The following C14orf39 variants were observed in gnomAD, a reference collection of about 807,000 sequenced individuals.
The protein encoded by C14orf39 is protein SIX6OS1.
A neutral mutation model predicts 85.6 loss-of-function variants in C14orf39; 66 were observed. The observed-to-expected ratio is 0.77, with a 90% CI of 0.63 to 0.95. The LOEUF (loss-of-function observed/expected upper bound fraction) is 0.95, where lower values mean the gene tolerates loss of function less well. Ranked by LOEUF, C14orf39 falls within the 40% of genes least tolerant of loss-of-function variation. C14orf39 has a pLI of 0.00. For synonymous variants in C14orf39, 242 were observed against 214.0 expected (o/e 1.13, Z -1.14); for missense variants, 735 against 663.9 (o/e 1.11, Z -1.18).
intron 12 of C14orf39, 44 bp downstream of exon 12, chr14:60,461,464 A>C: frequency 6.4e-7 from 1 of 1,571,278 alleles, no homozygotes; most frequent in Non-Finnish European, 8.7e-7. Flanking sequence ...GATATCTATA[A>C]ATTATTTCAG....
chr14:60,495,764 C>T (rs1453004942), intron 2 of C14orf39: 4 of 242,852 alleles, frequency 1.6e-5, no homozygotes, highest in African/African-American at 2.2e-5. Flanking sequence ...AAGCTTGCTA[C>T]GATACTTAAA....
chr14:60,478,070 T>C (rs1490243851), intron 5 of C14orf39, among the ~76,000 whole-genome samples: 2 of 149,826 alleles, frequency 1.3e-5, no homozygotes, highest in Non-Finnish European at 3.0e-5. Context: ...TCCCAGCTAC[T>C]TGGGAGGCTG....
Position 60,436,787 on chromosome 14 carries a change from A to G in C14orf39, c.*58T>C. 8.6e-7 allele frequency: 1 copy of G among 1,164,298 alleles called. No homozygotes were observed. The highest frequency in any genetic ancestry group is 1.2e-6 in the Non-Finnish European group (1 of 803,670). 72.1% of individuals were successfully genotyped at this position (1,164,298 alleles called of 1,614,324 possible). A position where few individuals can be genotyped will look rare whatever the true frequency, so the allele number is the denominator to read the frequency against. On this transcript the variant is annotated 3_prime_UTR_variant, in exon 18 of 18. Transcript: ENST00000321731. ...GTCTTCATGTTTTAAGCAATAATGT[A>G]AATTTATGCCCTCATGAACACAGAA...
Position 60,436,759 on chromosome 14 carries a change from G to A in C14orf39, c.*86C>T, listed in dbSNP as rs1890266217. 1.2e-6 allele frequency: 1 copy of A among 805,556 alleles called. No individual in the cohort carries two copies. The highest frequency in any genetic ancestry group is 2.5e-5 in the Admixed American group (1 of 40,682). 49.9% of individuals were successfully genotyped at this position (805,556 alleles called of 1,614,324 possible). The stretch of plus-strand genomic sequence containing the variant: ...TTACTGCTTTAATCAATAAAAGAAA[G>A]CAGTCTTCATGTTTTAAGCAATAAT... On this transcript the variant is annotated 3_prime_UTR_variant, in exon 18 of 18. Transcript: ENST00000321731.
Position 60,484,954 on chromosome 14 carries a change from T to C in C14orf39, c.50-17A>G. On this transcript the variant is annotated splice_polypyrimidine_tract_variant and intron_variant, in intron 2 of 17. Transcript: ENST00000321731. This position sits in a 1 kb window ranked among gnomAD's most constrained non-coding sequence, Gnocchi z 4.2. ...ACTGGAAGACTAAAATAAATAATTA[T>C]CTTGTGACTTCAATTCATTGTTAAA... is the stretch of plus-strand genomic sequence containing the variant. The C allele has an allele frequency of 6.3e-7, 1 of 1,577,636 alleles. No homozygotes were observed. Among genetic ancestry groups the C allele is most frequent in the Non-Finnish European group, 8.6e-7 (1 of 1,160,866 alleles).
intron 4 of C14orf39, 95 bp downstream of exon 4, chr14:60,483,596 T>C (rs1407741327): frequency 8.4e-6 from 9 of 1,073,830 alleles, no homozygotes; most frequent in African/African-American, 3.2e-5. Context: ...CATTAGCTAA[T>C]ACAGAATACT....
intron 13 of C14orf39, among the ~76,000 whole-genome samples, chr14:60,459,846 C>T (rs778179865): frequency 1.2e-4 from 18 of 151,706 alleles, no homozygotes; most frequent in Non-Finnish European, 1.5e-4. Context: ...AAGTTCTTTA[C>T]ACATTTTGGA....
At chr14:60,463,437 T>C (rs1208978976) in intron 11 of C14orf39, among the ~76,000 whole-genome samples, 1 of 152,144 alleles carries the variant, frequency 6.6e-6, no homozygotes, top group Non-Finnish European at 1.5e-5. Flanking sequence ...CTTTGTCTTT[T>C]TCCTTCACCA....
At position 60,467,014 on chromosome 14, in the gene C14orf39, T is replaced by C. The variant is rs767592325; in HGVS notation, c.798A>G (p.Thr266=). 2.1e-6 allele frequency: 3 copies of C among 1,421,416 alleles called. No individual in the cohort carries two copies. The South Asian group carries it at 4.8e-5, about 23-fold the overall frequency. The allele number at this position is 1,421,416 out of a possible 1,614,324, so 88.1% of individuals were successfully genotyped here. The change falls in exon 10 of 18, where the codon ACA becomes ACG. Residue 266 remains threonine, a synonymous_variant. Coordinates refer to ENST00000321731, the MANE Select transcript of C14orf39 (RefSeq NM_174978.3). The part of the protein sequence containing the change: ...RIFGKDEHVL[T]LNKTQSSQLF... ...ATTGACTGCTTTGAGTTTTATTCAA[T>C]GTAAGTACATGCTCATCTTTTCCAA...
chr14:60,490,031 C>T (rs1892962467), upstream of C14orf39, among the ~76,000 whole-genome samples: 1 of 152,212 alleles, frequency 6.6e-6, no homozygotes, highest in South Asian at 2.1e-4. Context: ...TCTTAAAACA[C>T]CGCAGTAGCT....
rs201930448 is a variant in C14orf39 at position 60,479,646 on chromosome 14, TATAA to T, written c.234-1261_234-1258del. Among the ~76,000 whole-genome samples, 61 of 147,656 alleles carry T rather than the reference TATAA, an allele frequency of 4.1e-4. 1 individual carries two copies. In the East Asian group the frequency reaches 1.0e-2, roughly 24 times the overall value. ...TCCTTCTAGACTTTTTGTAATTATA[TATAA>T]ATATACAATTACTAAATTAGCTTAA... On this transcript the variant is annotated intron_variant, in intron 4 of 17. Coordinates refer to ENST00000321731, the MANE Select transcript of C14orf39 (RefSeq NM_174978.3).
intron 1 of C14orf39, among the ~76,000 whole-genome samples, chr14:60,507,585 A>AT (rs1385660710): frequency 3.9e-5 from 6 of 151,952 alleles, no homozygotes; most frequent in African/African-American, 1.2e-4. Flanking sequence ...CCCCTCTGCT[A>AT]TTTTTTTCGA....
chr14:60,510,818 G>A (rs1026609505), intron 1 of C14orf39, among the ~76,000 whole-genome samples: 1 of 152,218 alleles, frequency 6.6e-6, no homozygotes, highest in African/African-American at 2.4e-5. Context: ...GGAGGACACT[G>A]CAAGCCCAGT....
chr14:60,455,156 A>G lies in C14orf39; in HGVS notation c.1359-11T>C. ...TTTCTATTTCTGTTACTGAGAAATAAGAAATTATCAAAATGTTAAAAATCT... is the reference window on the plus strand; with the variant it reads ...TTTCTATTTCTGTTACTGAGAAATAGGAAATTATCAAAATGTTAAAAATCT... On this transcript the variant is annotated splice_polypyrimidine_tract_variant and intron_variant, in intron 15 of 17. Transcript: ENST00000321731. 6.5e-7 allele frequency: 1 copy of G among 1,527,738 alleles called. No homozygotes were observed. The highest frequency in any genetic ancestry group is 8.8e-7 in the Non-Finnish European group (1 of 1,136,518). The allele number at this position is 1,527,738 out of a possible 1,614,324, so 94.6% of individuals were successfully genotyped here.
At chr14:60,494,357 A>C in intron 2 of C14orf39, 1 of 160,006 alleles carries the variant, frequency 6.2e-6, no homozygotes, top group Middle Eastern at 8.2e-4. Flanking sequence ...GTTTCTCTCC[A>C]GTGTGAGCTC....
intron 3 of C14orf39, 42 bp from the exon 4 acceptor site, chr14:60,483,859 A>G: frequency 1.5e-6 from 2 of 1,362,682 alleles, no homozygotes; most frequent in Non-Finnish European, 1.0e-6. Flanking sequence ...TAGAAATAAT[A>G]AGTTCAAAAT....
At chr14:60,472,994 T>C (rs1280921973) in intron 5 of C14orf39, among the ~76,000 whole-genome samples, 1 of 152,222 alleles carries the variant, frequency 6.6e-6, no homozygotes, top group Non-Finnish European at 1.5e-5. Flanking sequence ...ACTTCCACAA[T>C]GGTTGAACTA....
Position 60,457,115 on chromosome 14 carries a change from G to C in C14orf39, c.1180-20C>G. On this transcript the variant is annotated intron_variant, in intron 14 of 17. Transcript: ENST00000321731. ...TATAGCCTGCAAATTCAAAGTAACA[G>C]AAAACTATAAAACAAATGCTGCTGC... 4.0e-6 allele frequency: 6 copies of C among 1,486,180 alleles called. No homozygotes were observed. The highest frequency in any genetic ancestry group is 5.4e-6 in the Non-Finnish European group (6 of 1,105,684). The allele number at this position is 1,486,180 out of a possible 1,614,324, so 92.1% of individuals were successfully genotyped here.
chr14:60,468,921 T>C (rs1163009226), intron 8 of C14orf39, among the ~76,000 whole-genome samples: 2 of 151,498 alleles, frequency 1.3e-5, no homozygotes, highest in Non-Finnish European at 3.0e-5. Context: ...GAAAGATAAG[T>C]ATACAGTATT....
Sources: allele counts gnomAD v4.1 joint callset (sites outside exome capture counted in the v4.1 genomes callset), GRCh38; gene constraint gnomAD v4.1.1; non-coding constraint Gnocchi (gnomAD v3.1); transcripts MANE v1.5; gene names NCBI Gene and HGNC (gene_info 2026-07-23, HGNC 2026-07-21).